GBE1: variants seen among roughly 807,000 people sequenced by gnomAD.
GBE1 encodes 1,4-alpha-glucan branching enzyme 1.
In GBE1, 70 loss-of-function variants were observed where a neutral mutation model predicts 88.8. That is an observed-to-expected ratio of 0.79 (90% confidence interval 0.65 to 0.96). The LOEUF is 0.96. Among genes scored for constraint, GBE1 ranks in the 40% least tolerant of loss-of-function variants. GBE1 has a pLI of 0.00. For synonymous variants in GBE1, 284 were observed against 300.1 expected (o/e 0.95, Z 0.56); for missense variants, 872 against 871.0 (o/e 1.00, Z -0.01).
At chr3:81,640,632 A>T (rs1704663523) in intron 7 of GBE1, among the ~76,000 whole-genome samples, 1 of 151,840 alleles carries the variant, frequency 6.6e-6, no homozygotes, top group Non-Finnish European at 1.5e-5. Flanking sequence ...ATAAATATAT[A>T]TATATATCCT....
chr3:81,692,897 G>A (rs1203358222), intron 2 of GBE1, among the ~76,000 whole-genome samples: 1 of 152,128 alleles, frequency 6.6e-6, no homozygotes, highest in African/African-American at 2.4e-5. Context: ...AAACTCATCT[G>A]CATTGAATGA....
intron 7 of GBE1, among the ~76,000 whole-genome samples, chr3:81,606,205 T>C (rs1171579726): frequency 6.6e-6 from 1 of 152,184 alleles, no homozygotes; most frequent in Non-Finnish European, 1.5e-5. Context: ...CATCAAGATA[T>C]CTGATGAAAT....
chr3:81,747,240 T>A (rs66665538), intron 1 of GBE1, among the ~76,000 whole-genome samples: 24,656 of 152,156 alleles, frequency 0.16, 2,461 homozygotes, highest in Non-Finnish European at 0.22. Context: ...AAAATTGAAA[T>A]TTTTAACTTC....
Position 81,501,512 on chromosome 3 carries a change from T to G in GBE1, c.1935-2285A>C, listed in dbSNP as rs190129701. The stretch of plus-strand genomic sequence containing the variant: ...CAAAGTGGCATATTTTGGGGTAGCA[T>G]GTTCTGAACCCGTTCCTAACCAAAT... On this transcript the variant is annotated intron_variant, in intron 14 of 15. Transcript: ENST00000429644. Among the ~76,000 whole-genome samples the G allele has an allele frequency of 1.7e-3, 258 of 152,184 alleles. 7 individuals carry two copies. Among genetic ancestry groups the G allele is most frequent in the Admixed American group, 0.017 (255 of 15,266 alleles).
intron 9 of GBE1, 117 bp from the exon 10 acceptor site, chr3:81,586,307 T>A: frequency 3.0e-6 from 2 of 660,222 alleles, no homozygotes; most frequent in East Asian, 3.1e-5. Context: ...GCTGCTTTGG[T>A]AACATAAAAG....
chr3:81,723,771 A>C (rs1034840396), intron 1 of GBE1, among the ~76,000 whole-genome samples: 5 of 152,170 alleles, frequency 3.3e-5, no homozygotes, highest in African/African-American at 1.2e-4. Context: ...CTGCACCCTC[A>C]AGAACAACAT....
chr3:81,713,754 A>G (rs573596219), intron 1 of GBE1, among the ~76,000 whole-genome samples: 9 of 152,312 alleles, frequency 5.9e-5, no homozygotes, highest in African/African-American at 2.2e-4. Context: ...AAAATCCTAC[A>G]TAAATTTTCA....
intron 14 of GBE1, among the ~76,000 whole-genome samples, chr3:81,517,416 C>CA (rs1203164607): frequency 6.6e-6 from 1 of 151,224 alleles, no homozygotes; most frequent in Non-Finnish European, 1.5e-5. Flanking sequence ...TATTGTGAAC[C>CA]AAAAAATTTG....
At chr3:81,537,135 T>C in intron 12 of GBE1, 40 bp from the exon 13 acceptor site, 1 of 1,138,742 alleles carries the variant, frequency 8.8e-7, no homozygotes, top group South Asian at 2.1e-5. Context: ...CCTATTAATA[T>C]TAGAATTTCT....
chr3:81,654,862 T>C (rs1420876475), intron 3 of GBE1: 1 of 152,212 alleles, frequency 6.6e-6, no homozygotes, highest in Non-Finnish European at 1.5e-5. Context: ...AACAATGTTT[T>C]GATATATGTA....
rs1703670680 is a variant in GBE1, at chr3:81,577,957, C to T, written c.1586G>A (p.Gly529Glu). Residue 529 changes from glycine (G) to glutamate (E), a missense_variant, in exon 12 of 16, where the codon GGG (glycine) becomes GAG (glutamate). Gly to Glu is a moderately conservative substitution (Grantham distance 98). Transcript: ENST00000429644. ...LHKMIRLITH[G>E]LGGEGYLNFM... ...ATTGAGATAGCCTTCTCCACCAAGC[C>T]CATGCGTAATGAGTCGAATCATTTT... 6 of 1,603,818 alleles carry T rather than the reference C, an allele frequency of 3.7e-6. No individual in the cohort carries two copies. The highest frequency in any genetic ancestry group is 5.1e-6 in the Non-Finnish European group (6 of 1,176,210).
At chr3:81,683,942 AAG>A (rs1179806791) in intron 2 of GBE1, among the ~76,000 whole-genome samples, 4 of 152,238 alleles carry the variant, frequency 2.6e-5, no homozygotes, top group African/African-American at 9.6e-5. Flanking sequence ...TATAGAAATG[AAG>A]AGTCTTATTA....
At chr3:81,505,244 G>C (rs576099539) in intron 14 of GBE1, among the ~76,000 whole-genome samples, 1 of 152,212 alleles carries the variant, frequency 6.6e-6, no homozygotes, top group South Asian at 2.1e-4. Flanking sequence ...ATAATGCCCA[G>C]GAGCTAAGTG....
At chr3:81,709,729 G>GT (rs1209632838) in intron 1 of GBE1, among the ~76,000 whole-genome samples, 1 of 152,040 alleles carries the variant, frequency 6.6e-6, no homozygotes, top group Non-Finnish European at 1.5e-5. Flanking sequence ...CTTTAACTAA[G>GT]TATCTTGACT....
At chr3:81,659,894 A>G (rs1280378140) in intron 3 of GBE1, among the ~76,000 whole-genome samples, 2 of 152,216 alleles carry the variant, frequency 1.3e-5, no homozygotes, top group Non-Finnish European at 2.9e-5. Flanking sequence ...GATGAGATGA[A>G]TTCCTCTTGA....
chr3:81,490,318 G>T lies in GBE1; in HGVS notation c.*89C>A. On this transcript the variant is annotated 3_prime_UTR_variant, in exon 16 of 16. Coordinates refer to ENST00000429644, the MANE Select transcript of GBE1 (RefSeq NM_000158.4). Reference sequence around the variant, plus strand: ...TGGCTTGGCTAGACAACTGTATTCTGAAAAGCATACATGTTATAAGCTGTG... The same window carrying T: ...TGGCTTGGCTAGACAACTGTATTCTTAAAAGCATACATGTTATAAGCTGTG... The T allele has an allele frequency of 9.0e-7, 1 of 1,106,624 alleles. No individual in the cohort carries two copies. The highest frequency in any genetic ancestry group is 1.4e-6 in the Non-Finnish European group (1 of 724,376). The allele number at this position is 1,106,624 out of a possible 1,614,324, so 68.6% of individuals were successfully genotyped here. A position where few individuals can be genotyped will look rare whatever the true frequency, so the allele number is the denominator to read the frequency against.
At chr3:81,725,882 G>T (rs1326474776) in intron 1 of GBE1, among the ~76,000 whole-genome samples, 13 of 152,152 alleles carry the variant, frequency 8.5e-5, no homozygotes, top group Non-Finnish European at 5.9e-5. Context: ...CATGACATGA[G>T]CTGTGTTTCA....
At chr3:81,618,131 G>C (rs1704275501) in intron 7 of GBE1, among the ~76,000 whole-genome samples, 1 of 151,912 alleles carries the variant, frequency 6.6e-6, no homozygotes, top group Non-Finnish European at 1.5e-5. Flanking sequence ...CCATTTCATA[G>C]AATGTCCATT....
intron 7 of GBE1, among the ~76,000 whole-genome samples, chr3:81,597,084 A>C (rs1291781155): frequency 2.6e-5 from 4 of 151,952 alleles, no homozygotes; most frequent in African/African-American, 9.7e-5. Flanking sequence ...GTAGTAAATG[A>C]ACTGAATCAC....
Sources: allele counts gnomAD v4.1 joint callset (sites outside exome capture counted in the v4.1 genomes callset), GRCh38; gene constraint gnomAD v4.1.1; transcripts MANE v1.5; gene names NCBI Gene and HGNC (gene_info 2026-07-23, HGNC 2026-07-21).